The following MYH14 variants were observed in gnomAD, a reference collection of about 807,000 sequenced individuals.
MYH14 encodes myosin heavy chain 14.
Under a neutral mutation model 255.5 loss-of-function variants are expected in MYH14, and 123 were observed. That is an observed-to-expected ratio of 0.48 (90% CI 0.42 to 0.56). The LOEUF (loss-of-function observed/expected upper bound fraction) is 0.56. MYH14 is among the 20% of genes least tolerant of loss of function. The probability of loss-of-function intolerance (pLI) is 0.00; values close to 1 mark genes in which losing one functional copy is unlikely to be tolerated. For synonymous variants in MYH14, 1,095 were observed against 1,161.2 expected (o/e 0.94, Z 1.16); for missense variants, 2,423 against 2,802.3 (o/e 0.86, Z 3.06).
In MYH14 at chr19:50,280,635, C is replaced by T. The variant is rs375590111; in HGVS notation, c.4290+252C>T. Reference sequence around the variant, plus strand: ...CAGCTCCAGTGCCGTCCTCTCCCATCTAGATCCTCCTCTTGGCCTCTGGGC... The same window carrying T: ...CAGCTCCAGTGCCGTCCTCTCCCATTTAGATCCTCCTCTTGGCCTCTGGGC... On this transcript the variant is annotated intron_variant, in intron 32 of 42. Transcript: ENST00000642316. The surrounding 1 kb of genome is among the most constrained non-coding windows in gnomAD (Gnocchi z 4.8). Among the ~76,000 whole-genome samples the T allele has an allele frequency of 2.6e-5, 4 of 152,262 alleles. No homozygotes were observed. The South Asian group carries it at 8.3e-4, about 32-fold the overall frequency.
chr19:50,224,948 T>A (rs1478204605), intron 6 of MYH14: 1 of 411,954 alleles, frequency 2.4e-6, no homozygotes, highest in Non-Finnish European at 4.9e-6. Context: ...CTACTAAAAA[T>A]TTTAAAAAGT....
chr19:50,264,909 A>G (rs760047153), intron 22 of MYH14, among the ~76,000 whole-genome samples: 1 of 152,148 alleles, frequency 6.6e-6, no homozygotes, highest in African/African-American at 2.4e-5. Flanking sequence ...CCAGGGGGAA[A>G]TTGGAAAGGA....
rs1324117250 is a variant in MYH14 at position 50,271,490 on chromosome 19, A to G, written c.3115A>G (p.Lys1039Glu). Reference protein sequence around the residue: ...LEKVTTEAKMKKFEEDLLLLE... With the variant: ...LEKVTTEAKMEKFEEDLLLLE... ...GAAGGTGACGACAGAGGCAAAAATGAAGAAATTTGAAGAGGACCTGCTGCT... is the reference window on the plus strand; with the variant it reads ...GAAGGTGACGACAGAGGCAAAAATGGAGAAATTTGAAGAGGACCTGCTGCT... Residue 1039 changes from lysine (K) to glutamate (E), a missense_variant, in exon 25 of 43, where the codon AAG (lysine) becomes GAG (glutamate). This residue lies in a region of MYH14 where 1,513 missense variants were observed against 1,674.8 expected (regional missense o/e 0.90). Coordinates refer to ENST00000642316, the MANE Select transcript of MYH14 (RefSeq NM_001145809.2). The G allele has an allele frequency of 6.2e-7, 1 of 1,607,150 alleles. No individual in the cohort carries two copies. Among genetic ancestry groups the G allele is most frequent in the South Asian group, 1.1e-5 (1 of 89,496 alleles).
At position 50,266,946 on chromosome 19, in the gene MYH14, G is replaced by GTGCAGGAGC; in HGVS notation, c.2766_2774dup (p.Glu924_Gln926dup). ...GGCACGGGCCCAGGAGCTGCAGAAA[G>GTGCAGGAGC]TGCAGGAGCTACAGCAGCAGAGCGC... On this transcript the variant is annotated inframe_insertion, in exon 23 of 43. Coordinates refer to ENST00000642316, the MANE Select transcript of MYH14 (RefSeq NM_001145809.2). The surrounding 1 kb of genome is among the most constrained non-coding windows in gnomAD (Gnocchi z 4.1). 1 of 1,559,858 alleles carries GTGCAGGAGC rather than the reference G, an allele frequency of 6.4e-7. No homozygotes were observed. The highest frequency in any genetic ancestry group is 8.7e-7 in the Non-Finnish European group (1 of 1,151,654).
At chr19:50,267,253 T>G in intron 23 of MYH14, among the ~76,000 whole-genome samples, 1 of 127,596 alleles carries the variant, frequency 7.8e-6, no homozygotes, top group African/African-American at 3.1e-5. Context: ...ATGGGCCGGG[T>G]AGGGGTGGGG....
rs752569680 is a variant in MYH14, at chr19:50,281,719, C to T, written c.4416C>T (p.Thr1472=). The stretch of plus-strand genomic sequence containing the variant: ...AGCGCCTGGCAGAAAAGACAGAGAC[C>T]GTGGATCGGCTGGAGCGGGGCCGCC... The part of the protein sequence containing the change: ...LTQRLAEKTE[T]VDRLERGRRR... The change falls in exon 33 of 43, where the codon ACC becomes ACT. Residue 1472 remains threonine, a synonymous_variant. Transcript: ENST00000642316. 20 of 1,612,310 alleles carry T rather than the reference C, an allele frequency of 1.2e-5. No homozygotes were observed. Among genetic ancestry groups the T allele is most frequent in the African/African-American group, 6.7e-5 (5 of 74,916 alleles).
intron 10 of MYH14, among the ~76,000 whole-genome samples, chr19:50,234,703 A>G (rs2033578019): frequency 6.6e-6 from 1 of 152,018 alleles, no homozygotes; most frequent in Non-Finnish European, 1.5e-5. Flanking sequence ...CTGTCCTCTT[A>G]GGTCCTGCCT....
At chr19:50,292,193 A>G in intron 36 of MYH14, 68 bp from the exon 37 acceptor site, 4 of 1,461,988 alleles carry the variant, frequency 2.7e-6, no homozygotes, top group African/African-American at 1.4e-5. Context: ...CGGTCTGGCA[A>G]GGGGGTGGAG....
rs1339182603 is a variant in MYH14 at position 50,221,349 on chromosome 19, T to TC, written c.563-1729dup. On this transcript the variant is annotated intron_variant, in intron 3 of 42. Transcript: ENST00000642316. This position sits in a 1 kb window ranked among gnomAD's most constrained non-coding sequence, Gnocchi z 5.3. ...GGGCGGTGAACCTGTGTGCATATAG[T>TC]CCCCCATACCAGGCTGCCAAGTCTG... Among the ~76,000 whole-genome samples, 1 of 151,908 alleles carries TC rather than the reference T, an allele frequency of 6.6e-6. No individual in the cohort carries two copies. Among genetic ancestry groups the TC allele is most frequent in the Non-Finnish European group, 1.5e-5 (1 of 68,004 alleles).
At chr19:50,224,461 G>T (rs1161719877) in intron 6 of MYH14, among the ~76,000 whole-genome samples, 5 of 152,244 alleles carry the variant, frequency 3.3e-5, no homozygotes, top group African/African-American at 9.6e-5. Context: ...CACAACCAGA[G>T]TGAACAGTGT....
chr19:50,305,748 C>T (rs530307359), intron 40 of MYH14, among the ~76,000 whole-genome samples: 22 of 149,546 alleles, frequency 1.5e-4, no homozygotes, highest in Non-Finnish European at 2.7e-4. Flanking sequence ...GGCAACATGG[C>T]GAGACCCCAT....
intron 21 of MYH14, among the ~76,000 whole-genome samples, chr19:50,262,374 A>G (rs567256594): frequency 1.3e-5 from 2 of 152,146 alleles, no homozygotes; most frequent in African/African-American, 4.8e-5. Flanking sequence ...CCTGGCCAAC[A>G]TGGTGAAACC....
chr19:50,250,947 A>G lies in MYH14; in HGVS notation c.1830+259A>G, dbSNP rs2034347751. The stretch of plus-strand genomic sequence containing the variant: ...TCAGGAGGCGATCTATGTGCATTTT[A>G]TCCACTTATTCAGCAGATATGTGCG... On this transcript the variant is annotated intron_variant, in intron 15 of 42. Coordinates refer to ENST00000642316, the MANE Select transcript of MYH14 (RefSeq NM_001145809.2). The surrounding 1 kb of genome is among the most constrained non-coding windows in gnomAD (Gnocchi z 5.4). Among the ~76,000 whole-genome samples, 1 of 152,134 alleles carries G rather than the reference A, an allele frequency of 6.6e-6. No individual in the cohort carries two copies. Among genetic ancestry groups the G allele is most frequent in the Non-Finnish European group, 1.5e-5 (1 of 68,018 alleles).
At chr19:50,302,780 T>C (rs1022687789) in intron 40 of MYH14, among the ~76,000 whole-genome samples, 1 of 151,836 alleles carries the variant, frequency 6.6e-6, no homozygotes, top group Non-Finnish European at 1.5e-5. Context: ...CACGTGCCTG[T>C]AATCCCAGCT....
At chr19:50,270,748 G>T (rs2035269507) in intron 24 of MYH14, among the ~76,000 whole-genome samples, 1 of 151,272 alleles carries the variant, frequency 6.6e-6, no homozygotes, top group South Asian at 2.1e-4. Context: ...AGGCTGGAGT[G>T]CAGTGGCGCG....
chr19:50,309,358 C>T (rs1276186993), intron 42 of MYH14, 181 bp downstream of exon 42: 12 of 651,092 alleles, frequency 1.8e-5, no homozygotes, highest in Non-Finnish European at 3.3e-5. Context: ...TTTCTTCCCA[C>T]ACCCATTTCT....
At chr19:50,234,927 C>G (rs2033588718) in intron 10 of MYH14, among the ~76,000 whole-genome samples, 1 of 152,190 alleles carries the variant, frequency 6.6e-6, no homozygotes, top group Non-Finnish European at 1.5e-5. Flanking sequence ...TGTTGAGCTT[C>G]TTGTATCTCC....
intron 39 of MYH14, among the ~76,000 whole-genome samples, chr19:50,297,615 A>C (rs1309882234): frequency 6.8e-6 from 1 of 146,694 alleles, no homozygotes; most frequent in African/African-American, 2.5e-5. Flanking sequence ...CTCCTGCCTC[A>C]ACCTCCCGAG....
rs769112825 is a variant in MYH14, at chr19:50,263,327, CCAG to C, written c.2611_2613del (p.Gln871del). On this transcript the variant is annotated inframe_deletion, in exon 22 of 43. Transcript: ENST00000642316. ...CCCCACCCAGGGCCTTCCAGAAGCG[CCAG>C]CAGCAGCAGAGCGCCCTGAGGGTGA... 1.3e-5 allele frequency: 20 copies of C among 1,563,778 alleles called. No homozygotes were observed. The highest frequency in any genetic ancestry group is 3.6e-5 in the South Asian group (3 of 84,420).
Sources: allele counts gnomAD v4.1 joint callset (sites outside exome capture counted in the v4.1 genomes callset), GRCh38; gene constraint gnomAD v4.1.1; regional missense constraint gnomAD v4.1.1; non-coding constraint Gnocchi (gnomAD v3.1); transcripts MANE v1.5; gene names NCBI Gene and HGNC (gene_info 2026-07-23, HGNC 2026-07-21).